Variants in URB2 observed in about 807,000 individuals in gnomAD.
The protein encoded by URB2 is unhealthy ribosome biogenesis protein 2 homolog.
A neutral mutation model predicts 120.9 loss-of-function variants in URB2; 86 were observed. The ratio of observed to expected loss-of-function variants is 0.71; its 90% CI spans 0.60 to 0.85. The LOEUF (loss-of-function observed/expected upper bound fraction) is 0.85, where lower values mean the gene tolerates loss of function less well. Ranked by LOEUF, URB2 falls within the 40% of genes least tolerant of loss-of-function variation. URB2 has a pLI of 0.00. For synonymous variants in URB2, 755 were observed against 758.4 expected (o/e 1.00, Z 0.07); for missense variants, 1,765 against 1,836.5 (o/e 0.96, Z 0.71).
chr1:229,640,933 C>G (rs193217225), intron 4 of URB2, among the ~76,000 whole-genome samples: 1 of 151,952 alleles, frequency 6.6e-6, no homozygotes, highest in Non-Finnish European at 1.5e-5. Flanking sequence ...GTCTGAAGCT[C>G]TGCCCTGTGC....
intron 2 of URB2, among the ~76,000 whole-genome samples, chr1:229,631,723 G>A (rs1467981152): frequency 2.0e-5 from 3 of 152,176 alleles, no homozygotes; most frequent in Admixed American, 1.3e-4. Flanking sequence ...TGACTTACAA[G>A]GACACGGTTC....
intron 4 of URB2, among the ~76,000 whole-genome samples, chr1:229,639,689 C>G (rs1233186202): frequency 6.6e-6 from 1 of 152,132 alleles, no homozygotes; most frequent in Non-Finnish European, 1.5e-5. Context: ...CAGGACTGTG[C>G]CTTCCTTAGT....
In URB2 at chr1:229,637,387, C is replaced by T; in HGVS notation, c.2774C>T (p.Ala925Val). The change falls in exon 4 of 10, where the codon GCC (alanine) becomes GTC (valine). Residue 925 changes from alanine to valine, a missense_variant. Physicochemically the swap from Ala to Val is moderately conservative, Grantham distance 64. Coordinates refer to ENST00000258243, the MANE Select transcript of URB2 (RefSeq NM_014777.4). The part of the protein sequence containing the change: ...VHYFLVLLSM[A>V]VTKLGCSCSS... ...TATTTTCTTGTGTTACTGTCCATGGCCGTCACCAAACTAGGATGCTCTTGC... is the reference window on the plus strand; with the variant it reads ...TATTTTCTTGTGTTACTGTCCATGGTCGTCACCAAACTAGGATGCTCTTGC... 6.2e-7 allele frequency: 1 copy of T among 1,614,222 alleles called. No individual in the cohort carries two copies. The highest frequency in any genetic ancestry group is 8.5e-7 in the Non-Finnish European group (1 of 1,180,048).
chr1:229,628,743 T>G (rs900458359), intron 2 of URB2, among the ~76,000 whole-genome samples: 3 of 152,228 alleles, frequency 2.0e-5, no homozygotes, highest in African/African-American at 7.2e-5. Context: ...TTTCTCAGGC[T>G]TTTTAGGCTA....
intron 4 of URB2, 101 bp from the exon 5 acceptor site, chr1:229,643,432 T>C: frequency 7.0e-7 from 1 of 1,423,670 alleles, no homozygotes; most frequent in South Asian, 1.2e-5. Context: ...ACTTGGTGAT[T>C]TTTGATGGCG....
At chr1:229,632,228 CAAAT>C in intron 2 of URB2, 37 bp from the exon 3 acceptor site, 2 of 1,476,494 alleles carry the variant, frequency 1.4e-6, no homozygotes, top group Non-Finnish European at 1.8e-6. Context: ...TTTCTCTCAG[CAAAT>C]AAATTTATTT....
At chr1:229,638,632 C>G (rs115060502) in intron 4 of URB2, among the ~76,000 whole-genome samples, 2 of 148,946 alleles carry the variant, frequency 1.3e-5, no homozygotes, top group East Asian at 4.1e-4. Flanking sequence ...GGCGACAGAG[C>G]GAGAGTCTGT....
intron 2 of URB2, among the ~76,000 whole-genome samples, chr1:229,631,757 T>C (rs1338043714): frequency 6.6e-6 from 1 of 152,156 alleles, no homozygotes; most frequent in African/African-American, 2.4e-5. Context: ...ACAATTAGAA[T>C]AGTAACATCA....
chr1:229,647,602 G>A lies in URB2; in HGVS notation c.3999G>A (p.Gly1333=), dbSNP rs1183747670. ...LDVLAALLRQ[G]EEAIGNPHHV... is the part of the protein sequence containing the mutation. Reference sequence around the variant, plus strand: ...TCCTGGCTGCACTGCTGCGGCAGGGGGAGGAGGCCATCGGCAACCCCCACC... The same window carrying A: ...TCCTGGCTGCACTGCTGCGGCAGGGAGAGGAGGCCATCGGCAACCCCCACC... Residue 1333 remains glycine, a synonymous_variant, in exon 7 of 10, where the codon GGG becomes GGA. Coordinates refer to ENST00000258243, the MANE Select transcript of URB2 (RefSeq NM_014777.4). 1.2e-6 allele frequency: 2 copies of A among 1,614,092 alleles called. No homozygotes were observed. The highest frequency in any genetic ancestry group is 1.7e-5 in the Admixed American group (1 of 60,006).
rs1665765922 is a variant in URB2, at chr1:229,635,214, C to A, written c.601C>A (p.Leu201Met). 6.2e-7 allele frequency: 1 copy of A among 1,614,108 alleles called. No individual in the cohort carries two copies. The highest frequency in any genetic ancestry group is 8.5e-7 in the Non-Finnish European group (1 of 1,180,052). Residue 201 changes from leucine to methionine, a missense_variant, in exon 4 of 10, where the codon CTG becomes ATG. Coordinates refer to ENST00000258243, the MANE Select transcript of URB2 (RefSeq NM_014777.4). ...RRAFGDVTAH[L>M]LQPCLVLRHL... ...TGCCTTTGGGGATGTGACTGCTCAC[C>A]TGCTCCAGCCGTGCCTGGTCCTGAG...
intron 7 of URB2, among the ~76,000 whole-genome samples, chr1:229,649,391 C>T (rs1422265424): frequency 2.3e-4 from 35 of 152,112 alleles, no homozygotes; most frequent in Admixed American, 2.3e-3. Context: ...AAATGCAATG[C>T]ACATAAATTA....
rs1388081501 is a variant in URB2, at chr1:229,626,277, A to AGCC, written c.-84_-82dup. 1 of 152,486 alleles carries AGCC rather than the reference A, an allele frequency of 6.6e-6. No individual in the cohort carries two copies. The highest frequency in any genetic ancestry group is 1.5e-5 in the Non-Finnish European group (1 of 68,702). 9.4% of individuals were successfully genotyped at this position (152,486 alleles called of 1,614,324 possible). A position where few individuals can be genotyped will look rare whatever the true frequency, so the allele number is the denominator to read the frequency against. On this transcript the variant is annotated 5_prime_UTR_variant, in exon 1 of 10. Transcript: ENST00000258243. ...GCGGCCTCCGCCGCACCGGGACAGC[A>AGCC]GCCGCCGCCGCTGCCGCCGTCCTCC...
intron 1 of URB2, 148 bp from the exon 2 acceptor site, chr1:229,627,473 C>A: frequency 1.4e-6 from 1 of 739,748 alleles, no homozygotes; most frequent in Non-Finnish European, 1.9e-6. Flanking sequence ...GTAGATTTAC[C>A]CCGACAAATC....
chr1:229,641,532 T>A (rs1277977960), intron 4 of URB2, among the ~76,000 whole-genome samples: 1 of 152,062 alleles, frequency 6.6e-6, no homozygotes, highest in African/African-American at 2.4e-5. Flanking sequence ...TTGTGAGTGC[T>A]CTGGAAGAAA....
chr1:229,645,920 A>C lies in URB2; in HGVS notation c.3857A>C (p.Lys1286Thr). The change falls in exon 6 of 10, where the codon AAA becomes ACA. Residue 1286 changes from lysine to threonine, a missense_variant. Physicochemically the swap from Lys to Thr is moderately conservative, Grantham distance 78 (BLOSUM62 -1). Transcript: ENST00000258243. The stretch of plus-strand genomic sequence containing the variant: ...CTGAACTGCCCACTCAGTGGAGAGA[A>C]AGCAAGTCTGTTGTGGCGTGCGTGT... Reference protein sequence around the residue: ...LLLNCPLSGEKASLLWRACPQ... With the variant: ...LLLNCPLSGETASLLWRACPQ... 1.9e-6 allele frequency: 3 copies of C among 1,614,164 alleles called. No homozygotes were observed. The highest frequency in any genetic ancestry group is 2.5e-6 in the Non-Finnish European group (3 of 1,180,032).
intron 9 of URB2, among the ~76,000 whole-genome samples, chr1:229,656,808 G>C (rs958007126): frequency 6.6e-6 from 1 of 152,190 alleles, no homozygotes; most frequent in Non-Finnish European, 1.5e-5. Flanking sequence ...GAAACATGCA[G>C]GGAAATTATG....
At chr1:229,651,382 G>C in intron 8 of URB2, 60 bp downstream of exon 8, 1 of 1,405,716 alleles carries the variant, frequency 7.1e-7, no homozygotes, top group East Asian at 2.4e-5. Flanking sequence ...TGTGGCTGCT[G>C]GCCACATATG....
Position 229,637,468 on chromosome 1 carries a change from T to G in URB2, c.2855T>G (p.Leu952Trp), listed in dbSNP as rs1190170371. The G allele has an allele frequency of 1.9e-6, 3 of 1,614,070 alleles. No individual in the cohort carries two copies. The highest frequency in any genetic ancestry group is 2.5e-6 in the Non-Finnish European group (3 of 1,180,056). The change falls in exon 4 of 10, where the codon TTG becomes TGG. Residue 952 changes from leucine to tryptophan, a missense_variant. Physicochemically the swap from Leu to Trp is moderately conservative, Grantham distance 61. Transcript: ENST00000258243. ...ACTTGCTACCAACTTCTTGGTTACTTGCAAAAGGGGAAAAGTGCTCGCTCT... is the reference window on the plus strand; with the variant it reads ...ACTTGCTACCAACTTCTTGGTTACTGGCAAAAGGGGAAAAGTGCTCGCTCT... Reference protein sequence around the residue: ...LTTCYQLLGYLQKGKSARSVF... With the variant: ...LTTCYQLLGYWQKGKSARSVF...
At chr1:229,643,479 G>A (rs945534275) in intron 4 of URB2, 54 bp from the exon 5 acceptor site, 8 of 1,602,468 alleles carry the variant, frequency 5.0e-6, no homozygotes, top group Non-Finnish European at 6.0e-6. Context: ...ATGGCTACTT[G>A]GTAGTTTATT....
Sources: allele counts gnomAD v4.1 joint callset (sites outside exome capture counted in the v4.1 genomes callset), GRCh38; gene constraint gnomAD v4.1.1; transcripts MANE v1.5; gene names NCBI Gene and HGNC (gene_info 2026-07-23, HGNC 2026-07-21).